The following KCND3 variants were observed in gnomAD, a reference collection of about 807,000 sequenced individuals.
KCND3 encodes A-type voltage-gated potassium channel KCND3.
KCND3 carries 9 observed loss-of-function variants against 51.1 expected under a neutral mutation model. The observed-to-expected ratio is 0.18, with a 90% CI of 0.11 to 0.31. The LOEUF is 0.31. KCND3 is among the 10% of genes least tolerant of loss of function. The pLI is 1.00. For synonymous variants in KCND3, 349 were observed against 368.0 expected, an observed-to-expected ratio of 0.95 and a Z score of 0.59; for missense variants, 526 against 903.8, an observed-to-expected ratio of 0.58 and a Z score of 5.36.
rs539537209 is a variant in KCND3, at chr1:111,988,425, T to TG, written c.-73+1079dup. Among the ~76,000 whole-genome samples the TG allele has an allele frequency of 6.9e-4, 105 of 152,226 alleles. 1 individual carries two copies. Among genetic ancestry groups the TG allele is most frequent in the African/African-American group, 2.5e-3 (104 of 41,532 alleles). On this transcript the variant is annotated intron_variant, in intron 1 of 7. Transcript: ENST00000302127. ...GGAACAAGCTACTAACCTCTTTCTC[T>TG]GGGGGGTCCCTTGTATACTTGCATT...
At chr1:111,862,530 G>A (rs1209273675) in intron 2 of KCND3, among the ~76,000 whole-genome samples, 3 of 152,222 alleles carry the variant, frequency 2.0e-5, no homozygotes, top group Non-Finnish European at 2.9e-5. Flanking sequence ...GTCTAAGAAA[G>A]CAAGGGATCT....
At chr1:111,963,417 C>T (rs76591342) in intron 2 of KCND3, among the ~76,000 whole-genome samples, 2,242 of 152,318 alleles carry the variant, frequency 0.015, 40 homozygotes, top group African/African-American at 0.051. Context: ...TCAGTACTTA[C>T]GTGACCCTTG....
chr1:111,822,328 TC>T, intron 2 of KCND3, among the ~76,000 whole-genome samples: 1 of 152,258 alleles, frequency 6.6e-6, no homozygotes, highest in South Asian at 2.1e-4. Flanking sequence ...ACCATCCATC[TC>T]CAGAGCTCTT....
At chr1:111,961,088 G>C (rs1348756867) in intron 2 of KCND3, among the ~76,000 whole-genome samples, 1 of 152,206 alleles carries the variant, frequency 6.6e-6, no homozygotes, top group Non-Finnish European at 1.5e-5. Flanking sequence ...TCTGTCCAGG[G>C]ACCCGGGCTA....
chr1:111,787,622 G>A (rs1054534777), intron 2 of KCND3, among the ~76,000 whole-genome samples: 11 of 152,158 alleles, frequency 7.2e-5, no homozygotes, highest in African/African-American at 2.7e-4. Context: ...AGGCAGGCAG[G>A]GGCCAGATCA....
intron 2 of KCND3, among the ~76,000 whole-genome samples, chr1:111,893,846 G>GGTCAGATTTGGGGAT (rs1669971017): frequency 6.6e-6 from 1 of 152,180 alleles, no homozygotes; most frequent in Admixed American, 6.5e-5. Context: ...GATTTGGGGA[G>GGTCAGATTTGGGGAT]ATAAGAACCA....
chr1:111,776,943 A>G (rs1053406521), intron 7 of KCND3, 83 bp downstream of exon 7: 10 of 1,597,382 alleles, frequency 6.3e-6, no homozygotes, highest in African/African-American at 4.0e-5. Context: ...AGGATCCTCA[A>G]GGTTCTCCTA....
intron 2 of KCND3, among the ~76,000 whole-genome samples, chr1:111,896,814 T>G (rs1670134688): frequency 6.6e-6 from 1 of 152,224 alleles, no homozygotes; most frequent in South Asian, 2.1e-4. Context: ...CCTTCACTTA[T>G]GAGCTGTGGA....
rs373174767 is a variant in KCND3 at position 111,787,113 on chromosome 1, G to C, written c.1107-7C>G. On this transcript the variant is annotated splice_polypyrimidine_tract_variant and splice_region_variant and intron_variant, in intron 2 of 7. Transcript: ENST00000302127. ...AGGCACCATGTCTCCGTATCTGAGA[G>C]AGGGAGAGAAACAGGGTGTAAGGGA... The C allele has an allele frequency of 2.5e-6, 4 of 1,614,012 alleles. No homozygotes were observed. The highest frequency in any genetic ancestry group is 3.4e-6 in the Non-Finnish European group (4 of 1,180,008).
chr1:111,809,809 C>T (rs1345709549), intron 2 of KCND3, among the ~76,000 whole-genome samples: 2 of 152,164 alleles, frequency 1.3e-5, no homozygotes, highest in Non-Finnish European at 2.9e-5. Context: ...TCAAAAATGA[C>T]CAAGACAGGG....
At chr1:111,944,682 G>A (rs1490205034) in intron 2 of KCND3, among the ~76,000 whole-genome samples, 1 of 152,220 alleles carries the variant, frequency 6.6e-6, no homozygotes, top group Non-Finnish European at 1.5e-5. Flanking sequence ...CCCTGATGTT[G>A]GCTCACTGGT....
In KCND3 at chr1:111,976,935, G is replaced by C. The variant is rs565662626; in HGVS notation, c.1106+4686C>G. Among the ~76,000 whole-genome samples, 6 of 152,368 alleles carry C rather than the reference G, an allele frequency of 3.9e-5. No individual in the cohort carries two copies. The South Asian group carries it at 1.2e-3, about 32-fold the overall frequency. ...CTGGAGTGTAGGAAGCACTCAATAAGTGTTGAACGAATGAAAGATTCCTTG... is the reference window on the plus strand; with the variant it reads ...CTGGAGTGTAGGAAGCACTCAATAACTGTTGAACGAATGAAAGATTCCTTG... On this transcript the variant is annotated intron_variant, in intron 2 of 7. Coordinates refer to ENST00000302127, the MANE Select transcript of KCND3 (RefSeq NM_001378969.1).
intron 2 of KCND3, among the ~76,000 whole-genome samples, chr1:111,961,060 C>T (rs1673626836): frequency 6.6e-6 from 1 of 152,246 alleles, no homozygotes; most frequent in Admixed American, 6.5e-5. Flanking sequence ...AGAGGTACAG[C>T]ACAGGGGTGA....
chr1:111,776,246 CCGT>C lies in KCND3; in HGVS notation c.1796_1798del (p.Asp599del). 1 of 1,614,116 alleles carries C rather than the reference CCGT, an allele frequency of 6.2e-7. No individual in the cohort carries two copies. The highest frequency in any genetic ancestry group is 8.5e-7 in the Non-Finnish European group (1 of 1,180,016). On this transcript the variant is annotated inframe_deletion, in exon 8 of 8. Coordinates refer to ENST00000302127, the MANE Select transcript of KCND3 (RefSeq NM_001378969.1). ...GGATGTTTTGCAGTTTGGTCTCAGT[CCGT>C]CGTCTGCTTTCAAATTAAGGCTGGA... is the stretch of plus-strand genomic sequence containing the variant.
At chr1:111,962,508 C>A (rs926730095) in intron 2 of KCND3, among the ~76,000 whole-genome samples, 1 of 152,184 alleles carries the variant, frequency 6.6e-6, no homozygotes, top group African/African-American at 2.4e-5. Context: ...CTTCCCCAAC[C>A]CCAACCAAAA....
Position 111,775,980 on chromosome 1 carries a change from T to C in KCND3, c.*97A>G. On this transcript the variant is annotated 3_prime_UTR_variant, in exon 8 of 8. Transcript: ENST00000302127. ...GGTACAATGGGGCAGGCAGAAATAGTGGGGAAAGGGGGGAGGGAGTGGTCT... is the reference window on the plus strand; with the variant it reads ...GGTACAATGGGGCAGGCAGAAATAGCGGGGAAAGGGGGGAGGGAGTGGTCT... 1 of 1,328,688 alleles carries C rather than the reference T, an allele frequency of 7.5e-7. No homozygotes were observed. The highest frequency in any genetic ancestry group is 1.1e-6 in the Non-Finnish European group (1 of 925,406). The allele number at this position is 1,328,688 out of a possible 1,614,324, so 82.3% of individuals were successfully genotyped here. A position where few individuals can be genotyped will look rare whatever the true frequency, so the allele number is the denominator to read the frequency against.
chr1:111,911,709 T>C (rs1250712100), intron 2 of KCND3, among the ~76,000 whole-genome samples: 1 of 152,230 alleles, frequency 6.6e-6, no homozygotes, highest in African/African-American at 2.4e-5. Flanking sequence ...CAAGTACATA[T>C]TGCCACCTCT....
At chr1:111,814,812 G>T (rs968138162) in intron 2 of KCND3, among the ~76,000 whole-genome samples, 1 of 152,186 alleles carries the variant, frequency 6.6e-6, no homozygotes, top group South Asian at 2.1e-4. Context: ...CATCCCGACG[G>T]CTATCTCCAC....
At chr1:111,811,374 C>G (rs761001856) in intron 2 of KCND3, among the ~76,000 whole-genome samples, 23 of 152,278 alleles carry the variant, frequency 1.5e-4, no homozygotes, top group African/African-American at 4.8e-4. Context: ...CCAGAAAATA[C>G]TACACCAAGA....
Sources: gnomAD v4.1 joint callset for allele counts (sites outside exome capture counted in the v4.1 genomes callset) on GRCh38, gnomAD v4.1.1 for gene constraint, MANE v1.5 for transcripts, NCBI Gene and HGNC (gene_info 2026-07-23, HGNC 2026-07-21) for gene names.